KATNAL1: variants seen among roughly 807,000 people sequenced by gnomAD.
KATNAL1 encodes katanin p60 ATPase-containing subunit A-like 1.
A neutral mutation model predicts 55.2 loss-of-function variants in KATNAL1; 32 were observed. The ratio of observed to expected loss-of-function variants is 0.58; its 90% confidence interval spans 0.44 to 0.78. KATNAL1 has a LOEUF of 0.78. KATNAL1 is among the 30% of genes least tolerant of loss of function. KATNAL1 has a pLI of 0.00. For synonymous variants in KATNAL1, 193 were observed against 193.6 expected (o/e 1.00, Z 0.02); for missense variants, 466 against 600.9 (o/e 0.78, Z 2.35).
At chr13:30,282,553 G>A (rs551722187) in intron 2 of KATNAL1, among the ~76,000 whole-genome samples, 7 of 151,828 alleles carry the variant, frequency 4.6e-5, no homozygotes, top group East Asian at 3.9e-4. Context: ...TGGGAAGATC[G>A]CTTGAGCCCA....
chr13:30,286,816 G>A (rs1291197288), intron 1 of KATNAL1, among the ~76,000 whole-genome samples: 16 of 152,204 alleles, frequency 1.1e-4, no homozygotes, highest in Admixed American at 1.0e-3. Flanking sequence ...AAAGCCACAG[G>A]GGTGGAGCTG....
chr13:30,262,022 C>G (rs971100056), intron 3 of KATNAL1, among the ~76,000 whole-genome samples: 15 of 152,152 alleles, frequency 9.9e-5, no homozygotes, highest in Middle Eastern at 3.2e-3. Flanking sequence ...AACTATCTCT[C>G]AGACCACAGT....
At chr13:30,237,609 G>A (rs1876822139) in intron 6 of KATNAL1, among the ~76,000 whole-genome samples, 1 of 151,796 alleles carries the variant, frequency 6.6e-6, no homozygotes, top group Admixed American at 6.6e-5. Context: ...GTTCATCCCA[G>A]AGATAACGTA....
At chr13:30,249,842 A>C (rs1361287402) in intron 4 of KATNAL1, among the ~76,000 whole-genome samples, 1 of 152,192 alleles carries the variant, frequency 6.6e-6, no homozygotes, top group Non-Finnish European at 1.5e-5. Context: ...TGAGATGCTG[A>C]AGTTGTTTCT....
At chr13:30,301,741 T>C (rs1247226079) in intron 1 of KATNAL1, among the ~76,000 whole-genome samples, 1 of 152,204 alleles carries the variant, frequency 6.6e-6, no homozygotes, top group Non-Finnish European at 1.5e-5. Context: ...TTAACAGAAA[T>C]AAAGATATTT....
At chr13:30,239,371 C>T (rs1877019400) in intron 6 of KATNAL1, among the ~76,000 whole-genome samples, 2 of 152,102 alleles carry the variant, frequency 1.3e-5, no homozygotes, top group Non-Finnish European at 2.9e-5. Flanking sequence ...GATCATGCCA[C>T]TGCACACCAG....
At position 30,208,618 on chromosome 13, in the gene KATNAL1, T is replaced by C. The variant is rs764360730; in HGVS notation, c.1395A>G (p.Leu465=). 6.2e-7 allele frequency: 1 copy of C among 1,613,874 alleles called. No individual in the cohort carries two copies. Among genetic ancestry groups the C allele is most frequent in the Non-Finnish European group, 8.5e-7 (1 of 1,179,888 alleles). The change falls in exon 11 of 11, where the codon CTA becomes CTG. Residue 465 remains leucine (L), a synonymous_variant. Transcript: ENST00000380615. ...CAGAGACAGACTTAGCAATTTTCTT[T>C]AGGGCCAATTCAAAGTCTCCTTTGG... The part of the protein sequence containing the change: ...PVTKGDFELA[L]KKIAKSVSAA...
intron 3 of KATNAL1, among the ~76,000 whole-genome samples, chr13:30,266,303 G>A (rs190733348): frequency 5.3e-4 from 80 of 152,108 alleles, no homozygotes; most frequent in African/African-American, 1.8e-3. Flanking sequence ...CACCTGGCCC[G>A]CTTTTAAGAG....
intron 6 of KATNAL1, among the ~76,000 whole-genome samples, chr13:30,236,036 T>G (rs1876641555): frequency 6.6e-6 from 1 of 152,162 alleles, no homozygotes; most frequent in African/African-American, 2.4e-5. Flanking sequence ...TGTATCACCT[T>G]AAAGGTCTTC....
chr13:30,269,137 A>G (rs1156291062), intron 3 of KATNAL1, among the ~76,000 whole-genome samples: 1 of 152,102 alleles, frequency 6.6e-6, no homozygotes, highest in Non-Finnish European at 1.5e-5. Context: ...GCCGAGCCGA[A>G]GCTGGACTGT....
At chr13:30,300,178 G>A (rs752445389) in intron 1 of KATNAL1, among the ~76,000 whole-genome samples, 35 of 152,172 alleles carry the variant, frequency 2.3e-4, no homozygotes, top group Non-Finnish European at 3.8e-4. Flanking sequence ...GGTTTTTGAA[G>A]AGGAAACAAA....
At chr13:30,303,842 C>T (rs1440789256) in intron 1 of KATNAL1, among the ~76,000 whole-genome samples, 1 of 152,126 alleles carries the variant, frequency 6.6e-6, no homozygotes, top group Non-Finnish European at 1.5e-5. Flanking sequence ...ATTGATTAGT[C>T]CTCAGACTCT....
Position 30,241,100 on chromosome 13 carries a change from TAA to T in KATNAL1, c.493-16_493-15del. The T allele has an allele frequency of 6.3e-7, 1 of 1,595,252 alleles. No individual in the cohort carries two copies. The highest frequency in any genetic ancestry group is 1.1e-5 in the South Asian group (1 of 89,212). On this transcript the variant is annotated splice_polypyrimidine_tract_variant and intron_variant, in intron 4 of 10. Transcript: ENST00000380615. ...ATTCTTCCTTCCCTGGGGATAGGTA[TAA>T]AAAAAAAGTACTAGTCAGTAATGGA...
At chr13:30,297,359 G>C (rs1882582451) in intron 1 of KATNAL1, among the ~76,000 whole-genome samples, 1 of 151,784 alleles carries the variant, frequency 6.6e-6, no homozygotes, top group Admixed American at 6.6e-5. Context: ...ATAATTGTTA[G>C]CATTTTTTAG....
intron 9 of KATNAL1, among the ~76,000 whole-genome samples, chr13:30,223,112 A>G (rs188059347): frequency 8.6e-5 from 13 of 151,704 alleles, no homozygotes; most frequent in Admixed American, 6.6e-4. Context: ...CAAACAAAAA[A>G]GAGATACAGA....
Position 30,208,714 on chromosome 13 carries a change from T to C in KATNAL1, c.1299A>G (p.Arg433=). The part of the protein sequence containing the change: ...VCRDASLMAM[R]RRINGLSPEE... ...CTGGACTTAAGCCATTGATACGCCG[T>C]CTCATTGCCATTAAAGAGGCATCCC... Residue 433 remains arginine (R), a synonymous_variant, in exon 11 of 11, where the codon AGA becomes AGG. Coordinates refer to ENST00000380615, the MANE Select transcript of KATNAL1 (RefSeq NM_032116.5). The C allele has an allele frequency of 1.9e-6, 3 of 1,611,790 alleles. No individual in the cohort carries two copies. The highest frequency in any genetic ancestry group is 2.2e-5 in the South Asian group (2 of 90,330).
At chr13:30,222,439 C>G (rs983534146) in intron 9 of KATNAL1, among the ~76,000 whole-genome samples, 11 of 152,102 alleles carry the variant, frequency 7.2e-5, no homozygotes, top group African/African-American at 2.7e-4. Flanking sequence ...TAAAATAAAC[C>G]TCTTTATATA....
chr13:30,230,360 T>C, intron 8 of KATNAL1, 108 bp downstream of exon 8: 2 of 966,058 alleles, frequency 2.1e-6, no homozygotes, highest in Non-Finnish European at 2.9e-6. Context: ...AATGGGTGAA[T>C]GAACAAATAA....
chr13:30,212,661 T>A (rs1873802133), intron 9 of KATNAL1, among the ~76,000 whole-genome samples: 2 of 152,352 alleles, frequency 1.3e-5, no homozygotes, highest in East Asian at 3.9e-4. Flanking sequence ...TAGGATGGAA[T>A]GCTCCATTCT....
Sources: allele counts gnomAD v4.1 joint callset (sites outside exome capture counted in the v4.1 genomes callset), GRCh38; gene constraint gnomAD v4.1.1; transcripts MANE v1.5; gene names NCBI Gene and HGNC (gene_info 2026-07-23, HGNC 2026-07-21).